The following PPARG variants were observed in gnomAD, a reference collection of about 807,000 sequenced individuals.
PPARG encodes the protein peroxisome proliferator-activated receptor gamma.
In PPARG, 17 loss-of-function variants were observed where a neutral mutation model predicts 39.2. The ratio of observed to expected loss-of-function variants is 0.43; its 90% CI spans 0.30 to 0.65. The LOEUF (loss-of-function observed/expected upper bound fraction) is 0.65. Ranked by LOEUF, PPARG falls within the 30% of genes least tolerant of loss-of-function variation. PPARG has a pLI of 0.13. For missense variants in PPARG, 406 were observed against 585.9 expected, an observed-to-expected ratio of 0.69 and a Z score of 3.17; for synonymous variants, 223 against 215.7, an observed-to-expected ratio of 1.03 and a Z score of -0.30.
intron 6 of PPARG, among the ~76,000 whole-genome samples, chr3:12,410,223 T>G (rs1575132301): frequency 6.6e-6 from 1 of 152,196 alleles, no homozygotes; most frequent in South Asian, 2.1e-4. Flanking sequence ...AGGCCCCTTA[T>G]TTAAGAGATC....
chr3:12,390,583 T>C (rs1219885899), intron 4 of PPARG, among the ~76,000 whole-genome samples: 1 of 150,664 alleles, frequency 6.6e-6, no homozygotes, highest in East Asian at 1.9e-4. Flanking sequence ...CAAGCAAAAT[T>C]AAATAGTATA....
chr3:12,352,812 C>A (rs1575041956), intron 2 of PPARG, among the ~76,000 whole-genome samples: 2 of 152,154 alleles, frequency 1.3e-5, no homozygotes, highest in South Asian at 4.1e-4. Flanking sequence ...ACATGTATTT[C>A]TATCATCTAA....
At chr3:12,395,047 A>G (rs143320204) in intron 5 of PPARG, among the ~76,000 whole-genome samples, 4 of 152,306 alleles carry the variant, frequency 2.6e-5, no homozygotes, top group East Asian at 1.9e-4. Flanking sequence ...CCCTTTGGCC[A>G]TGCACTCACA....
At chr3:12,348,032 G>GA (rs2048376804) in intron 2 of PPARG, among the ~76,000 whole-genome samples, 1 of 152,026 alleles carries the variant, frequency 6.6e-6, no homozygotes, top group South Asian at 2.1e-4. Flanking sequence ...TCACACAAAA[G>GA]AAAAAGCTAT....
At chr3:12,411,730 T>G (rs141618019) in intron 6 of PPARG, among the ~76,000 whole-genome samples, 3 of 152,264 alleles carry the variant, frequency 2.0e-5, no homozygotes, top group African/African-American at 7.2e-5. Flanking sequence ...AGACCCCTTA[T>G]GTCCTATAAA....
chr3:12,336,726 T>A (rs949868826), intron 2 of PPARG, among the ~76,000 whole-genome samples: 1 of 152,204 alleles, frequency 6.6e-6, no homozygotes, highest in Non-Finnish European at 1.5e-5. Flanking sequence ...GAACTAGTTA[T>A]GAGCAACTGA....
At position 12,413,781 on chromosome 3, in the gene PPARG, A is replaced by G. The variant is rs188896168; in HGVS notation, c.730-2923A>G. ...CAGTGAGCCTAGATTGCGCCATTGC[A>G]CTCCAGCCTGGGCAACAGGAGCAAA... On this transcript the variant is annotated intron_variant, in intron 6 of 7. Coordinates refer to ENST00000651735, the MANE Select transcript of PPARG (RefSeq NM_138711.6). Among the ~76,000 whole-genome samples the G allele has an allele frequency of 3.5e-3, 508 of 146,782 alleles. 7 individuals are homozygous for G. The highest frequency in any genetic ancestry group is 2.7e-3 in the Non-Finnish European group (183 of 67,470).
intron 2 of PPARG, among the ~76,000 whole-genome samples, chr3:12,332,107 T>C (rs2047879072): frequency 6.6e-6 from 1 of 152,240 alleles, no homozygotes; most frequent in Non-Finnish European, 1.5e-5. Flanking sequence ...TCTAGTCATG[T>C]GAAATGATGA....
intron 2 of PPARG, among the ~76,000 whole-genome samples, chr3:12,314,446 G>A (rs1379727440): frequency 6.6e-6 from 1 of 152,130 alleles, no homozygotes; most frequent in Non-Finnish European, 1.5e-5. Flanking sequence ...CATGATCAAG[G>A]TCAATATCAA....
intron 2 of PPARG, among the ~76,000 whole-genome samples, chr3:12,317,354 C>G (rs1288249004): frequency 2.0e-5 from 3 of 152,152 alleles, no homozygotes; most frequent in African/African-American, 7.2e-5. Flanking sequence ...ATAAAAAGAT[C>G]ACAACCACAC....
rs114610394 is a variant in PPARG at position 12,391,926 on chromosome 3, T to C, written c.391-688T>C. Among the ~76,000 whole-genome samples, 847 of 152,232 alleles carry C rather than the reference T, an allele frequency of 5.6e-3. 11 individuals carry two copies. The highest frequency in any genetic ancestry group is 0.019 in the African/African-American group (786 of 41,532). ...GATTTTTTTCAGCTCTTTCCAAAGATGTAAATATAGCAGAATATTCAGTTG... is the reference window on the plus strand; with the variant it reads ...GATTTTTTTCAGCTCTTTCCAAAGACGTAAATATAGCAGAATATTCAGTTG... On this transcript the variant is annotated intron_variant, in intron 4 of 7. Coordinates refer to ENST00000651735, the MANE Select transcript of PPARG (RefSeq NM_138711.6).
At chr3:12,375,695 G>GT (rs1282282005) in intron 2 of PPARG, among the ~76,000 whole-genome samples, 1 of 152,188 alleles carries the variant, frequency 6.6e-6, no homozygotes, top group Admixed American at 6.5e-5. Context: ...AAAGGACACA[G>GT]TTGGATGGGT....
At chr3:12,356,741 A>C (rs1008690086) in intron 2 of PPARG, among the ~76,000 whole-genome samples, 3 of 152,202 alleles carry the variant, frequency 2.0e-5, no homozygotes, top group African/African-American at 7.2e-5. Flanking sequence ...TAATCCAGGC[A>C]TATTTTATAT....
intron 7 of PPARG, among the ~76,000 whole-genome samples, chr3:12,429,682 G>A (rs2051590508): frequency 6.6e-6 from 1 of 152,078 alleles, no homozygotes; most frequent in Non-Finnish European, 1.5e-5. Context: ...GCCTCTCTCG[G>A]CACCTGTCTT....
At chr3:12,398,728 C>T (rs2050356374) in intron 5 of PPARG, among the ~76,000 whole-genome samples, 1 of 152,104 alleles carries the variant, frequency 6.6e-6, no homozygotes, top group Admixed American at 6.6e-5. Context: ...AGATGGTCAC[C>T]AGAATTAAAG....
chr3:12,360,933 A>G (rs2048826852), intron 2 of PPARG, among the ~76,000 whole-genome samples: 2 of 152,062 alleles, frequency 1.3e-5, no homozygotes. Flanking sequence ...TCTGGTAGCT[A>G]TATGCTTCAG....
intron 7 of PPARG, among the ~76,000 whole-genome samples, chr3:12,427,104 AATTTAAATATTAAG>A (rs1219650841): frequency 1.0e-4 from 15 of 146,286 alleles, no homozygotes; most frequent in Non-Finnish European, 2.0e-4. Flanking sequence ...CTCCGATTCA[AATTTAAATATTAAG>A]AGGACACATG....
chr3:12,375,806 T>C (rs1475273296), intron 2 of PPARG, among the ~76,000 whole-genome samples: 1 of 152,200 alleles, frequency 6.6e-6, no homozygotes, highest in Non-Finnish European at 1.5e-5. Context: ...GTGTGCAGTG[T>C]TGACACTGAA....
chr3:12,421,133 G>A (rs1559535001), intron 7 of PPARG, among the ~76,000 whole-genome samples: 1 of 152,204 alleles, frequency 6.6e-6, no homozygotes, highest in Non-Finnish European at 1.5e-5. Flanking sequence ...GTGCCACCGT[G>A]GAACTAACAC....
Sources: gnomAD v4.1 joint callset for allele counts (sites outside exome capture counted in the v4.1 genomes callset) on GRCh38, gnomAD v4.1.1 for gene constraint, MANE v1.5 for transcripts, NCBI Gene and HGNC (gene_info 2026-07-23, HGNC 2026-07-21) for gene names.